RCC1: variants seen among roughly 807,000 people sequenced by gnomAD.
RCC1 encodes regulator of chromosome condensation 1, also known as regulator of chromosome condensation.
A neutral mutation model predicts 44.4 loss-of-function variants in RCC1; 11 were observed. The observed-to-expected ratio is 0.25, with a 90% CI of 0.16 to 0.41. The LOEUF is 0.41. RCC1 is among the 10% of genes least tolerant of loss of function. The probability of loss-of-function intolerance (pLI) is 1.00; values close to 1 mark genes in which losing one functional copy is unlikely to be tolerated. For missense variants in RCC1, 386 were observed against 547.1 expected, an observed-to-expected ratio of 0.71 and a Z score of 2.94; for synonymous variants, 213 against 216.5, an observed-to-expected ratio of 0.98 and a Z score of 0.14.
At chr1:28,522,546 G>A (rs978311177) in intron 4 of RCC1, among the ~76,000 whole-genome samples, 12 of 151,868 alleles carry the variant, frequency 7.9e-5, no homozygotes, top group Non-Finnish European at 1.6e-4. Flanking sequence ...GGTACCTCAC[G>A]CCTATAATCC....
At chr1:28,529,806 G>A (rs1663993097) in intron 4 of RCC1, 52 bp from the exon 5 acceptor site, 7 of 1,386,934 alleles carry the variant, frequency 5.0e-6, no homozygotes, top group Non-Finnish European at 6.2e-6. Flanking sequence ...TGTCTGATTG[G>A]CCCAGGAAAA....
chr1:28,531,228 AAATAAC>A (rs1355487689), intron 5 of RCC1, among the ~76,000 whole-genome samples: 12 of 151,996 alleles, frequency 7.9e-5, no homozygotes, highest in African/African-American at 2.4e-4. Context: ...CTCCGTCTCA[AAATAAC>A]AATAACAATA....
intron 5 of RCC1, chr1:28,530,537 G>A: frequency 6.2e-7 from 1 of 1,604,598 alleles, no homozygotes; most frequent in Non-Finnish European, 8.5e-7. Context: ...GAGGGCCGCT[G>A]CCTCCCGCCG....
At chr1:28,519,596 C>A (rs577719135) in intron 4 of RCC1, among the ~76,000 whole-genome samples, 7 of 150,956 alleles carry the variant, frequency 4.6e-5, no homozygotes, top group Non-Finnish European at 8.9e-5. Context: ...GACGGAGTTT[C>A]CACTCTTATT....
intron 5 of RCC1, chr1:28,530,569 C>T: frequency 1.2e-6 from 2 of 1,606,572 alleles, no homozygotes; most frequent in Middle Eastern, 1.7e-4. Context: ...CCCGCTCCTG[C>T]CAAGGTGCCT....
intron 7 of RCC1, among the ~76,000 whole-genome samples, chr1:28,534,342 G>A (rs2840769): frequency 0.11 from 16,960 of 152,036 alleles, 2,186 homozygotes; most frequent in African/African-American, 0.32. Flanking sequence ...TACAACGCCC[G>A]GCTAATTTTT....
chr1:28,510,771 ATCAAATTCCCTGC>A (rs1217585309), intron 3 of RCC1: 1 of 152,404 alleles, frequency 6.6e-6, no homozygotes, highest in Non-Finnish European at 1.5e-5. Context: ...AGAAACAAGC[ATCAAATTCCCTGC>A]TCAGGAAGAA....
rs1183901242 is a variant in RCC1, at chr1:28,536,234, C to T, written c.818-28C>T. 4 of 1,610,798 alleles carry T rather than the reference C, an allele frequency of 2.5e-6. No homozygotes were observed. Among genetic ancestry groups the T allele is most frequent in the South Asian group, 1.1e-5 (1 of 90,476 alleles). On this transcript the variant is annotated intron_variant, in intron 10 of 12. Transcript: ENST00000683442. The surrounding 1 kb of genome is among the most constrained non-coding windows in gnomAD (Gnocchi z 4.9). ...AAGGGCAGCTCTCAGAACACCTTCA[C>T]CCCTGATGGCTCCGGCCTTTCCCCC...
Position 28,529,866 on chromosome 1 carries a change from G to C in RCC1, c.-1G>C. ...ATTTGACTGACTTTCAGGACAGGAA[G>C]ATGTCACCCAAGCGCATAGCTAAAA... On this transcript the variant is annotated 5_prime_UTR_variant, in exon 5 of 13. Coordinates refer to ENST00000683442, the MANE Select transcript of RCC1 (RefSeq NM_001381865.2). 6.2e-7 allele frequency: 1 copy of C among 1,613,940 alleles called. No individual in the cohort carries two copies. The highest frequency in any genetic ancestry group is 8.5e-7 in the Non-Finnish European group (1 of 1,179,876).
Position 28,532,325 on chromosome 1 carries a change from G to T in RCC1, c.416G>T (p.Arg139Leu), listed in dbSNP as rs200813021. 1 of 1,614,088 alleles carries T rather than the reference G, an allele frequency of 6.2e-7. No individual in the cohort carries two copies. The highest frequency in any genetic ancestry group is 8.5e-7 in the Non-Finnish European group (1 of 1,180,014). Reference sequence around the variant, plus strand: ...ACAGCAGCCCTCACCGATGATGGCCGTGTCTTCCTCTGGGGCTCCTTCCGG... The same window carrying T: ...ACAGCAGCCCTCACCGATGATGGCCTTGTCTTCCTCTGGGGCTCCTTCCGG... ...SHTAALTDDG[R>L]VFLWGSFRDN... The change falls in exon 7 of 13, where the codon CGT becomes CTT. Residue 139 changes from arginine (R) to leucine (L), a missense_variant. Arg to Leu is a moderately radical substitution (Grantham distance 102, BLOSUM62 -2). Transcript: ENST00000683442.
Position 28,529,470 on chromosome 1 carries a change from C to T in RCC1, c.-9-388C>T, listed in dbSNP as rs190323461. The stretch of plus-strand genomic sequence containing the variant: ...CAGTGTTGGGATTACAGATGTGAGC[C>T]ACCACACCTGGCCGTCTGTTTTTCA... On this transcript the variant is annotated intron_variant, in intron 4 of 12. Transcript: ENST00000683442. Among the ~76,000 whole-genome samples the T allele has an allele frequency of 1.5e-4, 23 of 152,142 alleles. No individual in the cohort carries two copies. In the East Asian group the frequency reaches 4.3e-3, roughly 28 times the overall value.
rs1432995049 is a variant in RCC1, at chr1:28,529,974, G to A, written c.73+35G>A. The A allele has an allele frequency of 2.5e-6, 4 of 1,571,814 alleles. No individual in the cohort carries two copies. The Admixed American group carries it at 5.1e-5, about 20-fold the overall frequency. ...CCTTGGCCTCTTTGTGGGTACAGGT[G>A]GCCCCTTGAAACCCTAAGAACCCGG... On this transcript the variant is annotated intron_variant, in intron 5 of 12. Coordinates refer to ENST00000683442, the MANE Select transcript of RCC1 (RefSeq NM_001381865.2).
chr1:28,535,703 C>A, intron 9 of RCC1, 168 bp from the exon 10 acceptor site: 2 of 825,676 alleles, frequency 2.4e-6, no homozygotes, highest in Non-Finnish European at 2.0e-6. Flanking sequence ...GGAATCTGAG[C>A]AAGGCACTTG....
chr1:28,524,683 CGTT>C (rs1393462603), intron 4 of RCC1, among the ~76,000 whole-genome samples: 2 of 152,048 alleles, frequency 1.3e-5, no homozygotes, highest in East Asian at 1.9e-4. Flanking sequence ...CATGGCAAGA[CGTT>C]GTTTCTGCAA....
At chr1:28,526,740 A>G (rs1663688182) in intron 4 of RCC1, 1 of 530,148 alleles carries the variant, frequency 1.9e-6, no homozygotes, top group Non-Finnish European at 3.4e-6. Flanking sequence ...TACTAAAAAT[A>G]CAAAAATTAG....
chr1:28,535,298 C>A lies in RCC1; in HGVS notation c.579C>A (p.Leu193=). The A allele has an allele frequency of 6.2e-7, 1 of 1,614,224 alleles. No homozygotes were observed. Among genetic ancestry groups the A allele is most frequent in the South Asian group, 1.1e-5 (1 of 91,084 alleles). The part of the protein sequence containing the change: ...HLVMLTADGD[L]YTLGCGEQGQ... ...TGATGCTGACAGCTGATGGTGACCTCTACACCTTGGGCTGCGGGGAACAGG... is the reference window on the plus strand; with the variant it reads ...TGATGCTGACAGCTGATGGTGACCTATACACCTTGGGCTGCGGGGAACAGG... Residue 193 remains leucine (L), a synonymous_variant, in exon 9 of 13, where the codon CTC becomes CTA. Coordinates refer to ENST00000683442, the MANE Select transcript of RCC1 (RefSeq NM_001381865.2).
rs1191394720 is a variant in RCC1 at position 28,531,875 on chromosome 1, G to T, written c.146G>T (p.Gly49Val). 6.2e-7 allele frequency: 1 copy of T among 1,605,318 alleles called. No homozygotes were observed. The change falls in exon 6 of 13, where the codon GGG (glycine) becomes GTG (valine). Residue 49 changes from glycine (G) to valine (V), a missense_variant. Coordinates refer to ENST00000683442, the MANE Select transcript of RCC1 (RefSeq NM_001381865.2). ...TLGQGDVGQL[G>V]LGENVMERKK... ...GGCCAGGGCGACGTGGGCCAGCTGG[G>T]GCTGGGTGAGAATGTGATGGAGAGG... is the stretch of plus-strand genomic sequence containing the variant.
At chr1:28,508,425 G>GT (rs1662208072) in intron 2 of RCC1, 6 of 384,410 alleles carry the variant, frequency 1.6e-5, no homozygotes, top group South Asian at 1.1e-4. Flanking sequence ...CTGCCCTAGT[G>GT]AACTGTAGGA....
intron 7 of RCC1, among the ~76,000 whole-genome samples, chr1:28,534,220 G>C (rs910027653): frequency 6.6e-6 from 1 of 150,972 alleles, no homozygotes; most frequent in East Asian, 2.0e-4. Flanking sequence ...TCGCTTTGTC[G>C]CCCAGGCTGG....
Sources: gnomAD v4.1 joint callset for allele counts (sites outside exome capture counted in the v4.1 genomes callset) on GRCh38, gnomAD v4.1.1 for gene constraint, Gnocchi (gnomAD v3.1) non-coding constraint, MANE v1.5 for transcripts, NCBI Gene and HGNC (gene_info 2026-07-23, HGNC 2026-07-21) for gene names.